The following TET3 variants were observed in gnomAD, a reference collection of about 807,000 sequenced individuals.
The protein encoded by TET3 is tet methylcytosine dioxygenase 3.
In TET3, 19 loss-of-function variants were observed where a neutral mutation model predicts 141.4. The ratio of observed to expected loss-of-function variants is 0.13; its 90% CI spans 0.09 to 0.20. The LOEUF is 0.20. Among genes scored for constraint, TET3 ranks in the 10% least tolerant of loss-of-function variants. TET3 has a pLI of 1.00. For synonymous variants in TET3, 1,043 were observed against 980.9 expected (o/e 1.06, Z -1.18); for missense variants, 1,874 against 2,356.9 (o/e 0.80, Z 4.24).
At position 74,101,975 on chromosome 2, in the gene TET3, G is replaced by C. The variant is rs145656758; in HGVS notation, c.5187G>C (p.Arg1729=). ...RARARQEEAA[R]LGLGQQEAKL... The stretch of plus-strand genomic sequence containing the variant: ...GGGCACGGCAGGAGGAGGCTGCCCG[G>C]CTGGGCCTGGGCCAGCAGGAGGCCA... The change falls in exon 12 of 12, where the codon CGG becomes CGC. Residue 1729 remains arginine, a synonymous_variant. Coordinates refer to ENST00000409262, the MANE Select transcript of TET3 (RefSeq NM_001287491.2). This position sits in a 1 kb window ranked among gnomAD's most constrained non-coding sequence, Gnocchi z 8.5. 6.2e-7 allele frequency: 1 copy of C among 1,607,002 alleles called. No individual in the cohort carries two copies. Among genetic ancestry groups the C allele is most frequent in the Non-Finnish European group, 8.5e-7 (1 of 1,175,332 alleles).
intron 3 of TET3, among the ~76,000 whole-genome samples, chr2:74,003,424 GTTTTTTT>G (rs768499958): frequency 3.1e-5 from 4 of 130,172 alleles, no homozygotes; most frequent in Non-Finnish European, 6.5e-5. Flanking sequence ...TTGTTGAACT[GTTTTTTT>G]TTTTTTTTTC....
chr2:73,998,017 G>A (rs1478736692), intron 2 of TET3, among the ~76,000 whole-genome samples: 1 of 152,196 alleles, frequency 6.6e-6, no homozygotes, highest in Non-Finnish European at 1.5e-5. Context: ...ACTTCCAGGA[G>A]GGGGAAGCAC....
intron 4 of TET3, among the ~76,000 whole-genome samples, chr2:74,063,716 TCTG>T (rs1192370673): frequency 1.3e-5 from 2 of 152,100 alleles, no homozygotes; most frequent in Admixed American, 6.6e-5. Context: ...GTTCTAGAGA[TCTG>T]CTGTACAGCA....
intron 3 of TET3, among the ~76,000 whole-genome samples, chr2:74,008,155 A>G (rs1017999134): frequency 6.6e-6 from 1 of 152,160 alleles, no homozygotes. Flanking sequence ...CCTTCTGGAC[A>G]TGACTTTTCC....
intron 3 of TET3, among the ~76,000 whole-genome samples, chr2:74,038,735 G>A (rs765026959): frequency 1.3e-5 from 2 of 152,168 alleles, no homozygotes; most frequent in Non-Finnish European, 2.9e-5. Context: ...TAGAGACTCC[G>A]GTAGGTTTTG....
downstream of TET3, among the ~76,000 whole-genome samples, chr2:74,108,529 A>C (rs1572919224): frequency 6.6e-6 from 1 of 152,224 alleles, no homozygotes; most frequent in East Asian, 1.9e-4. Context: ...TAGGTTTGCT[A>C]AAGGATCACC....
Position 74,099,323 on chromosome 2 carries a change from C to G in TET3, c.3315C>G (p.Pro1105=). 6.2e-7 allele frequency: 1 copy of G among 1,612,114 alleles called. No individual in the cohort carries two copies. The change falls in exon 11 of 12, where the codon CCC becomes CCG. Residue 1105 remains proline (P), a synonymous_variant. Coordinates refer to ENST00000409262, the MANE Select transcript of TET3 (RefSeq NM_001287491.2). The part of the protein sequence containing the change: ...KEDNRCVGKI[P]EDEQLHVLPL... ...ACAATCGCTGCGTGGGCAAGATTCCCGAGGATGAGCAGCTGCATGTTCTCC... is the reference window on the plus strand; with the variant it reads ...ACAATCGCTGCGTGGGCAAGATTCCGGAGGATGAGCAGCTGCATGTTCTCC...
At chr2:74,115,399 C>T in the TET3 span, among the ~76,000 whole-genome samples, 13 of 152,056 alleles carry the variant, frequency 8.5e-5, no homozygotes, top group African/African-American at 2.9e-4. Context: ...AGAGGTATAA[C>T]GGACATTAGA....
downstream of TET3, among the ~76,000 whole-genome samples, chr2:74,110,977 A>G (rs925979287): frequency 6.6e-6 from 1 of 151,690 alleles, no homozygotes. Context: ...GGTGTAGACA[A>G]CCTCCTAGCT....
At chr2:74,120,605 A>G in the TET3 span, 1 of 152,480 alleles carries the variant, frequency 6.6e-6, no homozygotes, top group Non-Finnish European at 1.5e-5. Context: ...GAGCCCAAGG[A>G]GCGGGGCGGC....
chr2:74,135,359 G>C, the TET3 span: 66 of 653,754 alleles, frequency 1.0e-4, no homozygotes, highest in East Asian at 1.7e-3. Context: ...CTAAAGACAA[G>C]ACCCCTTTGG....
chr2:73,989,741 A>G (rs754852301), intron 2 of TET3, among the ~76,000 whole-genome samples: 1 of 152,092 alleles, frequency 6.6e-6, no homozygotes, highest in East Asian at 1.9e-4. Context: ...AGGTTGTTTG[A>G]TTTCATATTC....
At chr2:73,983,930 G>A (rs1260607858), upstream of TET3, among the ~76,000 whole-genome samples, 1 of 152,268 alleles carries the variant, frequency 6.6e-6, no homozygotes, top group African/African-American at 2.4e-5. Flanking sequence ...GGGTGGGGCT[G>A]AATTAATCTA....
chr2:74,118,684 T>C, the TET3 span, among the ~76,000 whole-genome samples: 5 of 152,034 alleles, frequency 3.3e-5, no homozygotes, highest in African/African-American at 7.2e-5. Context: ...TGAATACACA[T>C]ACACACACAC....
chr2:74,119,256 G>A, the TET3 span, among the ~76,000 whole-genome samples: 1 of 151,822 alleles, frequency 6.6e-6, no homozygotes, highest in Admixed American at 6.6e-5. Flanking sequence ...CGGAGGCTGA[G>A]GCAGGAGAAT....
chr2:74,090,175 T>C, intron 8 of TET3, 128 bp downstream of exon 8: 3 of 1,400,496 alleles, frequency 2.1e-6, no homozygotes, highest in Non-Finnish European at 2.9e-6. Flanking sequence ...TTTTCGTTTT[T>C]TTAAAAGCTG....
Position 74,105,408 on chromosome 2 carries a change from G to T in TET3, c.*3232G>T. The T allele has an allele frequency of 2.5e-6, 1 of 398,576 alleles. No individual in the cohort carries two copies. The highest frequency in any genetic ancestry group is 4.4e-6 in the Non-Finnish European group (1 of 226,066). The allele number at this position is 398,576 out of a possible 1,614,324, so 24.7% of individuals were successfully genotyped here. On this transcript the variant is annotated 3_prime_UTR_variant, in exon 12 of 12. Coordinates refer to ENST00000409262, the MANE Select transcript of TET3 (RefSeq NM_001287491.2). ...TTAAAATAAAAATCGCTTCGCAGCA[G>T]GTTCTCACAAAATAACTGGTGCTAG...
At chr2:74,127,916 A>G in the TET3 span, among the ~76,000 whole-genome samples, 1 of 152,218 alleles carries the variant, frequency 6.6e-6, no homozygotes, top group South Asian at 2.1e-4. Context: ...AAAGTATTAG[A>G]AAAAGTACTG....
chr2:74,123,619 C>T, the TET3 span, among the ~76,000 whole-genome samples: 1 of 152,180 alleles, frequency 6.6e-6, no homozygotes, highest in African/African-American at 2.4e-5. Flanking sequence ...ACCTCCACCT[C>T]CCAGCCGCCT....
Sources: allele counts gnomAD v4.1 joint callset (sites outside exome capture counted in the v4.1 genomes callset), GRCh38; gene constraint gnomAD v4.1.1; non-coding constraint Gnocchi (gnomAD v3.1); transcripts MANE v1.5; gene names NCBI Gene and HGNC (gene_info 2026-07-23, HGNC 2026-07-21).